The following USP7 variants were observed in gnomAD, a reference collection of about 807,000 sequenced individuals.
The protein encoded by USP7 is ubiquitin specific peptidase 7.
In USP7, 9 loss-of-function variants were observed where a neutral mutation model predicts 162.9. The observed-to-expected ratio is 0.06, with a 90% CI of 0.03 to 0.10. USP7 has a LOEUF of 0.10. USP7 is among the 10% of genes least tolerant of loss of function. The pLI is 1.00. For missense variants in USP7, 715 were observed against 1,373.7 expected, an observed-to-expected ratio of 0.52 and a Z score of 7.58; for synonymous variants, 562 against 475.9, an observed-to-expected ratio of 1.18 and a Z score of -2.35.
intron 5 of USP7, among the ~76,000 whole-genome samples, chr16:8,919,501 G>A (rs971945204): frequency 6.6e-6 from 1 of 152,012 alleles, no homozygotes; most frequent in Admixed American, 6.6e-5. Context: ...TCAGCACAAC[G>A]TGGAAAAAGC....
At chr16:8,931,786 T>TG (rs1898358599) in intron 1 of USP7, among the ~76,000 whole-genome samples, 1 of 152,204 alleles carries the variant, frequency 6.6e-6, no homozygotes, top group Admixed American at 6.5e-5. Flanking sequence ...ACTTTTAGGT[T>TG]TTACCTAGGT....
chr16:8,907,017 C>A (rs982051857), intron 12 of USP7, among the ~76,000 whole-genome samples: 2 of 152,104 alleles, frequency 1.3e-5, no homozygotes, highest in African/African-American at 4.8e-5. Context: ...CAAATTTCAC[C>A]ATCAGTGTTG....
intron 1 of USP7, among the ~76,000 whole-genome samples, chr16:8,952,931 G>C (rs572105848): frequency 3.3e-5 from 5 of 152,006 alleles, no homozygotes; most frequent in African/African-American, 1.2e-4. Flanking sequence ...CCGCTTCCTG[G>C]GTTCAAGCGA....
At chr16:8,956,749 TA>T (rs1378327401) in intron 1 of USP7, among the ~76,000 whole-genome samples, 1 of 148,264 alleles carries the variant, frequency 6.7e-6, no homozygotes, top group African/African-American at 2.5e-5. Context: ...GGTAACGAAT[TA>T]AGACTTCGTA....
chr16:8,932,141 C>T (rs918269949), intron 1 of USP7, among the ~76,000 whole-genome samples: 1 of 152,166 alleles, frequency 6.6e-6, no homozygotes, highest in Non-Finnish European at 1.5e-5. Flanking sequence ...TAAAATGGTA[C>T]TCCCCACCAC....
intron 1 of USP7, among the ~76,000 whole-genome samples, chr16:8,934,543 CTAT>C (rs1898568714): frequency 6.6e-6 from 1 of 152,192 alleles, no homozygotes. Context: ...TAAAGAAAGC[CTAT>C]TATTTTCTGA....
chr16:8,943,416 C>T (rs1300947072), intron 1 of USP7, among the ~76,000 whole-genome samples: 7 of 152,108 alleles, frequency 4.6e-5, no homozygotes, highest in Non-Finnish European at 8.8e-5. Flanking sequence ...AGTTGCAGCA[C>T]GCACGGCCGG....
At chr16:8,905,024 T>C (rs1412755441) in intron 14 of USP7, among the ~76,000 whole-genome samples, 163 bp downstream of exon 14, 1 of 152,200 alleles carries the variant, frequency 6.6e-6, no homozygotes, top group Non-Finnish European at 1.5e-5. Context: ...ACCATAAGTC[T>C]GCATCGAAAC....
chr16:8,895,400 G>A (rs1377502901), intron 27 of USP7, among the ~76,000 whole-genome samples: 1 of 152,184 alleles, frequency 6.6e-6, no homozygotes, highest in Non-Finnish European at 1.5e-5. Flanking sequence ...CAGTTCCTGT[G>A]GAAATGTCAA....
chr16:8,895,806 G>C (rs2061672088), intron 26 of USP7, 65 bp from the exon 27 acceptor site: 1 of 1,131,742 alleles, frequency 8.8e-7, no homozygotes, highest in South Asian at 1.5e-5. Context: ...AAATAAAATG[G>C]TTTTCTAGAA....
rs1307919740 is a variant in USP7 at position 8,900,637 on chromosome 16, T to C, written c.2209-7A>G. On this transcript the variant is annotated splice_polypyrimidine_tract_variant and splice_region_variant and intron_variant, in intron 20 of 30. Coordinates refer to ENST00000344836, the MANE Select transcript of USP7 (RefSeq NM_003470.3). The stretch of plus-strand genomic sequence containing the variant: ...TTAAATTCGGTTTAACTTCCTACAG[T>C]GAAAGATATAAAATTGTTACACTGC... 6 of 1,596,820 alleles carry C rather than the reference T, an allele frequency of 3.8e-6. No individual in the cohort carries two copies. Among genetic ancestry groups the C allele is most frequent in the Non-Finnish European group, 5.1e-6 (6 of 1,170,332 alleles).
At chr16:8,919,728 A>C (rs1043205010) in intron 5 of USP7, among the ~76,000 whole-genome samples, 1 of 150,684 alleles carries the variant, frequency 6.6e-6, no homozygotes, top group Non-Finnish European at 1.5e-5. Context: ...CGGTGCCAGA[A>C]AGCAAAGCAA....
intron 10 of USP7, among the ~76,000 whole-genome samples, chr16:8,911,934 G>A (rs947677405): frequency 6.6e-6 from 1 of 152,294 alleles, no homozygotes; most frequent in African/African-American, 2.4e-5. Flanking sequence ...TGGAAAAACC[G>A]CTGAACACCT....
At chr16:8,938,339 CA>C (rs55790221) in intron 1 of USP7, among the ~76,000 whole-genome samples, 41,572 of 141,366 alleles carry the variant, frequency 0.29, 8,253 homozygotes, top group African/African-American at 0.58. Context: ...ATAACACAGT[CA>C]AAAAAAAAAA....
rs372182735 is a variant in USP7, at chr16:8,930,423, C to T, written c.80-26G>A. The T allele has an allele frequency of 1.1e-5, 17 of 1,567,904 alleles. No homozygotes were observed. In the Middle Eastern group the frequency reaches 5.3e-4, roughly 49 times the overall value. On this transcript the variant is annotated intron_variant, in intron 1 of 30. Coordinates refer to ENST00000344836, the MANE Select transcript of USP7 (RefSeq NM_003470.3). ...CTTTAAAGAAGAAAAAGAAATTCCA[C>T]GGGTTTTACATTCATGGCTTTAATA...
intron 1 of USP7, among the ~76,000 whole-genome samples, chr16:8,932,786 G>T (rs1483804240): frequency 6.6e-6 from 1 of 152,088 alleles, no homozygotes; most frequent in Non-Finnish European, 1.5e-5. Flanking sequence ...ATGGGGCTGG[G>T]GATGGACAAA....
chr16:8,917,156 C>A lies in USP7; in HGVS notation c.721G>T (p.Ala241Ser). The A allele has an allele frequency of 6.3e-7, 1 of 1,591,154 alleles. No homozygotes were observed. Among genetic ancestry groups the A allele is most frequent in the Non-Finnish European group, 8.5e-7 (1 of 1,173,966 alleles). Residue 241 changes from alanine to serine, a missense_variant and splice_region_variant, in exon 7 of 31, where the codon GCT becomes TCT. Transcript: ENST00000344836. ...CCCTCGGTTGGCATCATGTACACAG[C>A]CTGAAACAATTAAGAAATAAGAATT... ...TLFFTNQLRK[A>S]VYMMPTEGDD...
rs760888398 is a variant in USP7 at position 8,930,398 on chromosome 16, C to T, written c.80-1G>A. 3 of 1,600,612 alleles carry T rather than the reference C, an allele frequency of 1.9e-6. No homozygotes were observed. The highest frequency in any genetic ancestry group is 2.2e-5 in the East Asian group (1 of 44,548). ...CTTGGTGGGTCATCTGTATCTCCCG[C>T]TTTAAAGAAGAAAAAGAAATTCCAC... On this transcript the variant is annotated splice_acceptor_variant, in intron 1 of 30. Coordinates refer to ENST00000344836, the MANE Select transcript of USP7 (RefSeq NM_003470.3). LOFTEE classifies it high-confidence loss of function.
rs761056216 is a variant in USP7 at position 8,894,540 on chromosome 16, G to A, written c.3202+10C>T. On this transcript the variant is annotated intron_variant, in intron 30 of 30. Coordinates refer to ENST00000344836, the MANE Select transcript of USP7 (RefSeq NM_003470.3). ...CCCACACCAGCCCCCGGGGGGGGGA[G>A]AACCCTTACCGGGCTGTGGCTCAAA... The A allele has an allele frequency of 6.3e-7, 1 of 1,595,318 alleles. No individual in the cohort carries two copies. The highest frequency in any genetic ancestry group is 1.1e-5 in the South Asian group (1 of 90,436).
Sources: gnomAD v4.1 joint callset for allele counts (sites outside exome capture counted in the v4.1 genomes callset) on GRCh38, gnomAD v4.1.1 for gene constraint, MANE v1.5 for transcripts, NCBI Gene and HGNC (gene_info 2026-07-23, HGNC 2026-07-21) for gene names.